CDC37L1: variants seen among roughly 807,000 people sequenced by gnomAD.
CDC37L1 encodes cell division cycle 37 like 1, HSP90 cochaperone.
CDC37L1 carries 32 observed loss-of-function variants against 45.9 expected under a neutral mutation model. The ratio of observed to expected loss-of-function variants is 0.70; its 90% CI spans 0.53 to 0.94. CDC37L1 has a LOEUF of 0.94. CDC37L1 is among the 40% of genes least tolerant of loss of function. The pLI, the probability that CDC37L1 is intolerant of heterozygous loss-of-function variation, is 0.00. For synonymous variants in CDC37L1, 150 were observed against 133.0 expected (o/e 1.13, Z -0.88); for missense variants, 434 against 405.7 (o/e 1.07, Z -0.60).
At chr9:4,705,378 A>G (rs1284065103) in intron 6 of CDC37L1, among the ~76,000 whole-genome samples, 1 of 152,070 alleles carries the variant, frequency 6.6e-6, no homozygotes, top group Non-Finnish European at 1.5e-5. Context: ...GTAAGATTTT[A>G]TGTTTTCTAT....
chr9:4,696,256 G>A (rs1256949508), intron 3 of CDC37L1, among the ~76,000 whole-genome samples: 2 of 152,192 alleles, frequency 1.3e-5, no homozygotes, highest in Non-Finnish European at 1.5e-5. Flanking sequence ...AAAGTTTACT[G>A]CTAAACTCTT....
chr9:4,703,135 T>C, intron 6 of CDC37L1: 1 of 1,517,306 alleles, frequency 6.6e-7, no homozygotes, highest in East Asian at 2.5e-5. Context: ...GTTGTCTACA[T>C]TGTGAGAAGG....
At chr9:4,698,359 T>G (rs1841366723) in intron 5 of CDC37L1, among the ~76,000 whole-genome samples, 1 of 151,476 alleles carries the variant, frequency 6.6e-6, no homozygotes, top group Non-Finnish European at 1.5e-5. Context: ...TAGAATATCA[T>G]GCACCCTTTA....
rs1841460148 is a variant in CDC37L1, at chr9:4,707,895, G to T, written c.*1783G>T. On this transcript the variant is annotated 3_prime_UTR_variant, in exon 7 of 7. Coordinates refer to ENST00000381854, the MANE Select transcript of CDC37L1 (RefSeq NM_017913.4). ...TGCCTGTAAGCATTCAAATTGTTTTGAATTTCATTTTGCCTTCTCTAAGTT... is the reference window on the plus strand; with the variant it reads ...TGCCTGTAAGCATTCAAATTGTTTTTAATTTCATTTTGCCTTCTCTAAGTT... 6.6e-6 allele frequency: 1 copy of T among 152,056 alleles called. No homozygotes were observed. The highest frequency in any genetic ancestry group is 2.1e-4 in the South Asian group (1 of 4,826). The allele number at this position is 152,056 out of a possible 1,614,324, so 9.4% of individuals were successfully genotyped here.
In CDC37L1 at chr9:4,708,174, GA is replaced by G. The variant is rs1221730025; in HGVS notation, c.*2063del. On this transcript the variant is annotated 3_prime_UTR_variant, in exon 7 of 7. Coordinates refer to ENST00000381854, the MANE Select transcript of CDC37L1 (RefSeq NM_017913.4). Reference sequence around the variant, plus strand: ...ACTTTAGTACTAGAAACAGTAAATTGACATCCTTGAACTAATTCCTACCTTT... The same window carrying G: ...ACTTTAGTACTAGAAACAGTAAATTGCATCCTTGAACTAATTCCTACCTTT... The G allele has an allele frequency of 6.6e-6, 1 of 152,136 alleles. No homozygotes were observed. Among genetic ancestry groups the G allele is most frequent in the Non-Finnish European group, 1.5e-5 (1 of 68,028 alleles). The allele number at this position is 152,136 out of a possible 1,614,324, so 9.4% of individuals were successfully genotyped here.
At position 4,706,857 on chromosome 9, in the gene CDC37L1, A is replaced by C. The variant is rs1215671145; in HGVS notation, c.*745A>C. ...TTTAAATAAGAATAACTTCAAGCTC[A>C]CTCTTTCTTAACATAGTCTGGGATC... is the stretch of plus-strand genomic sequence containing the variant. On this transcript the variant is annotated 3_prime_UTR_variant, in exon 7 of 7. Coordinates refer to ENST00000381854, the MANE Select transcript of CDC37L1 (RefSeq NM_017913.4). 1.7e-5 allele frequency: 2 copies of C among 119,082 alleles called. No individual in the cohort carries two copies. Among genetic ancestry groups the C allele is most frequent in the Non-Finnish European group, 3.3e-5 (2 of 59,756 alleles). The allele number at this position is 119,082 out of a possible 1,614,324, so 7.4% of individuals were successfully genotyped here. A position where few individuals can be genotyped will look rare whatever the true frequency, so the allele number is the denominator to read the frequency against.
In CDC37L1 at chr9:4,707,983, C is replaced by T. The variant is rs1841461399; in HGVS notation, c.*1871C>T. The T allele has an allele frequency of 6.6e-6, 1 of 152,246 alleles. No individual in the cohort carries two copies. Among genetic ancestry groups the T allele is most frequent in the Middle Eastern group, 3.4e-3 (1 of 294 alleles). The allele number at this position is 152,246 out of a possible 1,614,324, so 9.4% of individuals were successfully genotyped here. On this transcript the variant is annotated 3_prime_UTR_variant, in exon 7 of 7. Coordinates refer to ENST00000381854, the MANE Select transcript of CDC37L1 (RefSeq NM_017913.4). ...GTATCAACAAACTGAGTAAACTATT[C>T]TTGAGGGGCACTGAAAAGATGTTCT...
chr9:4,700,509 C>G (rs1841387292), intron 5 of CDC37L1, among the ~76,000 whole-genome samples: 1 of 152,136 alleles, frequency 6.6e-6, no homozygotes, highest in East Asian at 1.9e-4. Flanking sequence ...TTTTATCTTA[C>G]ATTAATGGAT....
intron 3 of CDC37L1, among the ~76,000 whole-genome samples, chr9:4,695,845 C>A (rs1221317733): frequency 6.6e-6 from 1 of 152,182 alleles, no homozygotes; most frequent in Non-Finnish European, 1.5e-5. Context: ...GGCTGGAGTG[C>A]TGTGGTGCAA....
intron 5 of CDC37L1, among the ~76,000 whole-genome samples, chr9:4,700,361 T>C (rs1841385904): frequency 6.6e-6 from 1 of 152,122 alleles, no homozygotes; most frequent in South Asian, 2.1e-4. Flanking sequence ...TTGCCCAGGC[T>C]GGTCTCGAAC....
chr9:4,685,892 G>C (rs1841242235), intron 2 of CDC37L1, among the ~76,000 whole-genome samples: 1 of 152,208 alleles, frequency 6.6e-6, no homozygotes, highest in Non-Finnish European at 1.5e-5. Context: ...GCCAGGCTTA[G>C]TTGTCCACAC....
intron 5 of CDC37L1, 43 bp downstream of exon 5, chr9:4,697,922 C>T (rs1184431858): frequency 1.3e-6 from 2 of 1,590,352 alleles, no homozygotes; most frequent in African/African-American, 2.7e-5. Context: ...GATTTGGTCC[C>T]AGCTGAGACC....
chr9:4,688,389 A>C (rs188408187), intron 2 of CDC37L1, 124 bp from the exon 3 acceptor site: 15 of 471,924 alleles, frequency 3.2e-5, no homozygotes, highest in Non-Finnish European at 5.0e-5. Flanking sequence ...TAATCATGTA[A>C]TATCAGTATG....
chr9:4,687,103 A>G (rs1013656043), intron 2 of CDC37L1, among the ~76,000 whole-genome samples: 5 of 152,152 alleles, frequency 3.3e-5, no homozygotes, highest in Non-Finnish European at 7.4e-5. Flanking sequence ...GCATGAAGAA[A>G]AAATCTTTTA....
At position 4,679,655 on chromosome 9, in the gene CDC37L1, C is replaced by T; in HGVS notation, c.-113C>T. Reference sequence around the variant, plus strand: ...CAGTAGAGGGATTCTGGGTAACGGCCCGGACCCCCGGCTGGGCTTCTGGCT... The same window carrying T: ...CAGTAGAGGGATTCTGGGTAACGGCTCGGACCCCCGGCTGGGCTTCTGGCT... On this transcript the variant is annotated 5_prime_UTR_variant, in exon 1 of 7. Coordinates refer to ENST00000381854, the MANE Select transcript of CDC37L1 (RefSeq NM_017913.4). The T allele has an allele frequency of 2.0e-6, 2 of 1,022,296 alleles. No homozygotes were observed. Among genetic ancestry groups the T allele is most frequent in the Admixed American group, 3.1e-5 (1 of 32,210 alleles). 63.3% of individuals were successfully genotyped at this position (1,022,296 alleles called of 1,614,324 possible). A position where few individuals can be genotyped will look rare whatever the true frequency, so the allele number is the denominator to read the frequency against.
At chr9:4,688,816 A>G (rs1841274922) in intron 3 of CDC37L1, among the ~76,000 whole-genome samples, 1 of 151,934 alleles carries the variant, frequency 6.6e-6, no homozygotes, top group Non-Finnish European at 1.5e-5. Flanking sequence ...AATGGTAAAG[A>G]GAAGCAAAAG....
intron 1 of CDC37L1, among the ~76,000 whole-genome samples, chr9:4,683,722 A>C (rs1841219935): frequency 6.6e-6 from 1 of 152,190 alleles, no homozygotes; most frequent in Non-Finnish European, 1.5e-5. Context: ...AAGAGTCTGC[A>C]TTTGTATAAT....
chr9:4,697,152 G>T lies in CDC37L1; in HGVS notation c.565G>T (p.Val189Leu). The T allele has an allele frequency of 1.3e-6, 2 of 1,598,472 alleles. No homozygotes were observed. Among genetic ancestry groups the T allele is most frequent in the South Asian group, 2.2e-5 (2 of 90,544 alleles). Residue 189 changes from valine to leucine, a missense_variant, in exon 4 of 7, where the codon GTA becomes TTA. Transcript: ENST00000381854. ...QRFLSDHPYL[V>L]CEETAKYLIL... ...ATTTTTGTCTGACCATCCATACCTT[G>T]TATGTGAAGAAACTGCTAAATATCT...
chr9:4,701,802 A>T, intron 5 of CDC37L1, 62 bp from the exon 6 acceptor site: 1 of 1,296,324 alleles, frequency 7.7e-7, no homozygotes, highest in South Asian at 1.3e-5. Flanking sequence ...TGCTTTCTGG[A>T]ATTTACTATG....
Sources: allele counts gnomAD v4.1 joint callset (sites outside exome capture counted in the v4.1 genomes callset), GRCh38; gene constraint gnomAD v4.1.1; transcripts MANE v1.5; gene names NCBI Gene and HGNC (gene_info 2026-07-23, HGNC 2026-07-21).